ATP8A2: variants seen among roughly 807,000 people sequenced by gnomAD.
ATP8A2 encodes the protein ATPase phospholipid transporting 8A2, also known as phospholipid-transporting ATPase IB.
Under a neutral mutation model 165.6 loss-of-function variants are expected in ATP8A2, and 100 were observed. The observed-to-expected ratio is 0.60, with a 90% CI of 0.51 to 0.71. ATP8A2 has a LOEUF of 0.71. Ranked by LOEUF, ATP8A2 falls within the 30% of genes least tolerant of loss-of-function variation. The pLI, the probability that ATP8A2 is intolerant of heterozygous loss-of-function variation, is 0.00. For missense variants in ATP8A2, 1,227 were observed against 1,479.5 expected (o/e 0.83, Z 2.80); for synonymous variants, 543 against 548.8 (o/e 0.99, Z 0.15).
chr13:25,908,804 C>G (rs992066258), intron 33 of ATP8A2, among the ~76,000 whole-genome samples: 1 of 152,240 alleles, frequency 6.6e-6, no homozygotes, highest in Non-Finnish European at 1.5e-5. Context: ...GGTTCCATGA[C>G]TTCCACAGCA....
intron 24 of ATP8A2, among the ~76,000 whole-genome samples, chr13:25,613,845 C>A (rs75593530): frequency 0.018 from 2,690 of 152,178 alleles, 89 homozygotes; most frequent in African/African-American, 0.06. Flanking sequence ...TTTTGTATTT[C>A]TTTAAGTGTG....
chr13:25,487,991 T>C (rs1184960621), intron 2 of ATP8A2, among the ~76,000 whole-genome samples: 2 of 152,216 alleles, frequency 1.3e-5, no homozygotes, highest in African/African-American at 2.4e-5. Context: ...AGTCTGACTT[T>C]CCTTGTTTGT....
rs1593226676 is a variant in ATP8A2, at chr13:25,705,999, G to A, written c.2384+6654G>A. Among the ~76,000 whole-genome samples, 7 of 152,340 alleles carry A rather than the reference G, an allele frequency of 4.6e-5. 1 individual carries two copies. The highest frequency in any genetic ancestry group is 3.9e-4 in the Admixed American group (6 of 15,298). On this transcript the variant is annotated intron_variant, in intron 25 of 36. Transcript: ENST00000381655. ...ATGAATAGTTGCAAAGACACTTGAT[G>A]ATGTCCATAAAACAATAATGGATTC...
At chr13:25,798,634 A>T (rs1950547135) in intron 27 of ATP8A2, among the ~76,000 whole-genome samples, 1 of 152,164 alleles carries the variant, frequency 6.6e-6, no homozygotes, top group Non-Finnish European at 1.5e-5. Flanking sequence ...GGAGGTGGGG[A>T]TGTTATAAGG....
At chr13:25,820,116 C>T (rs945248279) in intron 27 of ATP8A2, among the ~76,000 whole-genome samples, 1 of 152,164 alleles carries the variant, frequency 6.6e-6, no homozygotes, top group South Asian at 2.1e-4. Flanking sequence ...AGAGTGGCGG[C>T]AGGTACAACC....
intron 24 of ATP8A2, among the ~76,000 whole-genome samples, chr13:25,606,330 A>ATTATTTTCTT (rs1394252074): frequency 2.0e-5 from 3 of 152,196 alleles, no homozygotes; most frequent in Admixed American, 2.0e-4. Context: ...TGTTTGAATG[A>ATTATTTTCTT]TTATTTTCTT....
chr13:25,535,691 T>G (rs2038256374), intron 6 of ATP8A2, among the ~76,000 whole-genome samples: 1 of 152,068 alleles, frequency 6.6e-6, no homozygotes, highest in Non-Finnish European at 1.5e-5. Flanking sequence ...GGTGCGTGTC[T>G]GTAATCCCAG....
chr13:25,796,013 G>A (rs911449987), intron 27 of ATP8A2, among the ~76,000 whole-genome samples: 2 of 151,488 alleles, frequency 1.3e-5, no homozygotes, highest in Non-Finnish European at 2.9e-5. Flanking sequence ...GCAGTAGCAC[G>A]ATCTTGGCTC....
intron 25 of ATP8A2, among the ~76,000 whole-genome samples, chr13:25,710,974 A>T (rs1000743357): frequency 2.0e-5 from 3 of 152,164 alleles, no homozygotes; most frequent in African/African-American, 7.2e-5. Flanking sequence ...TGAGGCATAG[A>T]CTAACAAAGA....
chr13:25,451,283 A>G (rs2035217652), intron 1 of ATP8A2, among the ~76,000 whole-genome samples: 1 of 152,092 alleles, frequency 6.6e-6, no homozygotes, highest in Non-Finnish European at 1.5e-5. Flanking sequence ...TACAAATTCA[A>G]TTCAGCAAGA....
At chr13:25,917,727 A>T (rs574223849) in intron 33 of ATP8A2, among the ~76,000 whole-genome samples, 12 of 152,368 alleles carry the variant, frequency 7.9e-5, no homozygotes, top group African/African-American at 2.9e-4. Context: ...TAAATAATTT[A>T]CTAGAAAATT....
At chr13:25,992,586 T>A (rs1216652518) in intron 35 of ATP8A2, among the ~76,000 whole-genome samples, 1 of 152,196 alleles carries the variant, frequency 6.6e-6, no homozygotes, top group Non-Finnish European at 1.5e-5. Flanking sequence ...TTTTTCTTTG[T>A]GAATTATGCT....
intron 30 of ATP8A2, among the ~76,000 whole-genome samples, chr13:25,859,464 A>G (rs9578931): frequency 0.013 from 2,000 of 152,316 alleles, 50 homozygotes; most frequent in African/African-American, 0.044. Flanking sequence ...CACTCAGGAT[A>G]AAAAACAGAC....
At chr13:25,548,575 C>T (rs1390027988) in intron 10 of ATP8A2, among the ~76,000 whole-genome samples, 1 of 152,176 alleles carries the variant, frequency 6.6e-6, no homozygotes, top group Non-Finnish European at 1.5e-5. Flanking sequence ...AGTCCTGGAC[C>T]TGGCCTGCTG....
At chr13:25,389,686 AT>A (rs1025148841) in intron 1 of ATP8A2, among the ~76,000 whole-genome samples, 1 of 152,230 alleles carries the variant, frequency 6.6e-6, no homozygotes, top group Non-Finnish European at 1.5e-5. Flanking sequence ...TTTGTTGAAC[AT>A]CTTTTGTGTC....
chr13:25,957,992 AT>A (rs1363431846), intron 33 of ATP8A2, among the ~76,000 whole-genome samples: 5 of 152,116 alleles, frequency 3.3e-5, no homozygotes, highest in African/African-American at 9.7e-5. Context: ...GGAAACCATC[AT>A]TCTCAGGAAT....
At chr13:25,721,275 G>A (rs1243659462) in intron 25 of ATP8A2, among the ~76,000 whole-genome samples, 1 of 151,224 alleles carries the variant, frequency 6.6e-6, no homozygotes, top group Non-Finnish European at 1.5e-5. Flanking sequence ...CCACTTAGAT[G>A]TACAGTTCAG....
intron 24 of ATP8A2, among the ~76,000 whole-genome samples, chr13:25,613,358 G>A (rs921690543): frequency 3.3e-5 from 5 of 152,112 alleles, no homozygotes; most frequent in Admixed American, 6.6e-5. Flanking sequence ...CAAGGCAGGC[G>A]GGGTCAAGAG....
chr13:25,668,754 A>G (rs529337541), intron 24 of ATP8A2, among the ~76,000 whole-genome samples: 1 of 152,242 alleles, frequency 6.6e-6, no homozygotes, highest in Admixed American at 6.5e-5. Flanking sequence ...ATTTAACAGT[A>G]TATAAAATAT....
Sources: gnomAD v4.1 joint callset for allele counts (sites outside exome capture counted in the v4.1 genomes callset) on GRCh38, gnomAD v4.1.1 for gene constraint, MANE v1.5 for transcripts, NCBI Gene and HGNC (gene_info 2026-07-23, HGNC 2026-07-21) for gene names.